Variants in MYH9 observed in about 807,000 individuals in gnomAD.
MYH9 encodes myosin-9.
A neutral mutation model predicts 241.9 loss-of-function variants in MYH9; 29 were observed. That is an observed-to-expected ratio of 0.12 (90% confidence interval 0.09 to 0.16). The LOEUF is 0.16. Among genes scored for constraint, MYH9 ranks in the 10% least tolerant of loss-of-function variants. The probability of loss-of-function intolerance (pLI) is 1.00; values close to 1 mark genes in which losing one functional copy is unlikely to be tolerated. For synonymous variants in MYH9, 1,047 were observed against 1,062.6 expected, an observed-to-expected ratio of 0.99 and a Z score of 0.29; for missense variants, 1,803 against 2,595.5, an observed-to-expected ratio of 0.69 and a Z score of 6.63.
intron 1 of MYH9, among the ~76,000 whole-genome samples, chr22:36,353,931 TG>T: frequency 6.6e-6 from 1 of 152,090 alleles, no homozygotes; most frequent in African/African-American, 2.4e-5. Context: ...GATGAAGTCT[TG>T]CTCTGTCACC....
chr22:36,312,504 G>A (rs1265274007), intron 13 of MYH9, among the ~76,000 whole-genome samples: 1 of 152,196 alleles, frequency 6.6e-6, no homozygotes, highest in Non-Finnish European at 1.5e-5. Flanking sequence ...CCGCTGACCC[G>A]CGGGGCCAGA....
intron 15 of MYH9, among the ~76,000 whole-genome samples, chr22:36,308,075 G>A (rs569668692): frequency 5.9e-5 from 9 of 152,108 alleles, no homozygotes; most frequent in Middle Eastern, 3.4e-3. Flanking sequence ...CACCCCCATG[G>A]AGCAGACCTT....
chr22:36,342,446 G>A (rs1009770628), intron 2 of MYH9, among the ~76,000 whole-genome samples: 3 of 152,138 alleles, frequency 2.0e-5, no homozygotes, highest in Non-Finnish European at 2.9e-5. Flanking sequence ...GCTCTGGGTA[G>A]GCGAGGAGAA....
At chr22:36,347,427 C>T (rs990361936) in intron 2 of MYH9, among the ~76,000 whole-genome samples, 2 of 151,832 alleles carry the variant, frequency 1.3e-5, no homozygotes, top group East Asian at 1.9e-4. Context: ...CCCACACCAA[C>T]AAGCATCCGT....
chr22:36,288,534 G>T lies in MYH9; in HGVS notation c.4771-121C>A. 1 of 1,406,978 alleles carries T rather than the reference G, an allele frequency of 7.1e-7. No individual in the cohort carries two copies. Among genetic ancestry groups the T allele is most frequent in the East Asian group, 2.3e-5 (1 of 43,510 alleles). The allele number at this position is 1,406,978 out of a possible 1,614,324, so 87.2% of individuals were successfully genotyped here. A position where few individuals can be genotyped will look rare whatever the true frequency, so the allele number is the denominator to read the frequency against. ...TCCATGGGGCCTCGGGAAACCAGTGGGGATTACTGACCATAAGAACTCTAA... is the reference window on the plus strand; with the variant it reads ...TCCATGGGGCCTCGGGAAACCAGTGTGGATTACTGACCATAAGAACTCTAA... On this transcript the variant is annotated intron_variant, in intron 33 of 40. Transcript: ENST00000216181. This position sits in a 1 kb window ranked among gnomAD's most constrained non-coding sequence, Gnocchi z 4.8.
chr22:36,302,844 C>T (rs2016903395), intron 19 of MYH9, among the ~76,000 whole-genome samples, 168 bp from the exon 20 acceptor site: 1 of 152,230 alleles, frequency 6.6e-6, no homozygotes, highest in South Asian at 2.1e-4. Context: ...GTTTCTCCCA[C>T]TTACAGGCTG....
Position 36,306,329 on chromosome 22 carries a change from G to T in MYH9, c.2037+85C>A. The T allele has an allele frequency of 6.5e-7, 1 of 1,539,638 alleles. No individual in the cohort carries two copies. The stretch of plus-strand genomic sequence containing the variant: ...CTCTGTGCATGCTGGGGGGCTGGAG[G>T]GGTGCTTTTGCTGGGGAGACAGACA... On this transcript the variant is annotated intron_variant, in intron 16 of 40. Coordinates refer to ENST00000216181, the MANE Select transcript of MYH9 (RefSeq NM_002473.6). The surrounding 1 kb of genome is among the most constrained non-coding windows in gnomAD (Gnocchi z 4.1).
chr22:36,303,944 AGGGCGT>A (rs766780059), intron 19 of MYH9, 45 bp downstream of exon 19: 2 of 1,606,504 alleles, frequency 1.2e-6, no homozygotes, highest in Non-Finnish European at 1.7e-6. Context: ...TGGCAACAGA[AGGGCGT>A]GGCAAGGCCT....
chr22:36,338,129 T>C (rs1181969022), intron 3 of MYH9, among the ~76,000 whole-genome samples: 2 of 151,920 alleles, frequency 1.3e-5, no homozygotes, highest in Non-Finnish European at 2.9e-5. Flanking sequence ...TCCTGAGTAG[T>C]TGGGACTACA....
chr22:36,346,381 C>T (rs2017678492), intron 2 of MYH9, among the ~76,000 whole-genome samples: 1 of 152,196 alleles, frequency 6.6e-6, no homozygotes, highest in African/African-American at 2.4e-5. Flanking sequence ...GGCTTTAGCA[C>T]ATTGCAGGGC....
At chr22:36,333,391 C>T (rs942624566) in intron 3 of MYH9, among the ~76,000 whole-genome samples, 3 of 152,206 alleles carry the variant, frequency 2.0e-5, no homozygotes, top group African/African-American at 7.2e-5. Flanking sequence ...TCAGCTTAGA[C>T]CTGTGCCCTG....
At position 36,282,217 on chromosome 22, in the gene MYH9, A is replaced by C. The variant is rs2016501543; in HGVS notation, c.*451T>G. On this transcript the variant is annotated 3_prime_UTR_variant, in exon 41 of 41. Coordinates refer to ENST00000216181, the MANE Select transcript of MYH9 (RefSeq NM_002473.6). The stretch of plus-strand genomic sequence containing the variant: ...ACGTGTGATTGCAAACAGCAAAGAA[A>C]GGAGGAGGAGTGGGGGCGCTGGTGG... The C allele has an allele frequency of 8.5e-6, 3 of 354,420 alleles. No individual in the cohort carries two copies. The highest frequency in any genetic ancestry group is 1.6e-5 in the Non-Finnish European group (3 of 189,118). 22.0% of individuals were successfully genotyped at this position (354,420 alleles called of 1,614,324 possible).
chr22:36,298,897 C>T, intron 24 of MYH9, 22 bp downstream of exon 24: 1 of 1,612,978 alleles, frequency 6.2e-7, no homozygotes, highest in South Asian at 1.1e-5. Context: ...TGCCCATCAC[C>T]TCCTGCTCGT....
intron 3 of MYH9, among the ~76,000 whole-genome samples, chr22:36,340,309 A>G (rs921331027): frequency 6.6e-6 from 1 of 152,044 alleles, no homozygotes; most frequent in Non-Finnish European, 1.5e-5. Flanking sequence ...TGATTTGATC[A>G]CATTTACATC....
intron 1 of MYH9, among the ~76,000 whole-genome samples, chr22:36,351,174 T>C (rs1324839173): frequency 2.0e-5 from 3 of 152,184 alleles, no homozygotes; most frequent in Non-Finnish European, 4.4e-5. Context: ...AGGGGCGGTT[T>C]TCCAGGAAAA....
chr22:36,325,685 T>C (rs1291711670), intron 5 of MYH9, among the ~76,000 whole-genome samples: 1 of 152,222 alleles, frequency 6.6e-6, no homozygotes, highest in South Asian at 2.1e-4. Flanking sequence ...GGAGTCCCCA[T>C]CCACCGTGCC....
chr22:36,295,824 G>T lies in MYH9; in HGVS notation c.3273-107C>A. ...TGCAGCAGCCAAAGCTGCCTCCTGT[G>T]GTCACAATCATGGCACTTAGGATGG... On this transcript the variant is annotated intron_variant, in intron 25 of 40. Transcript: ENST00000216181. The surrounding 1 kb of genome is among the most constrained non-coding windows in gnomAD (Gnocchi z 4.1). The T allele has an allele frequency of 9.6e-7, 1 of 1,039,938 alleles. No individual in the cohort carries two copies. Among genetic ancestry groups the T allele is most frequent in the Non-Finnish European group, 1.4e-6 (1 of 693,018 alleles). The allele number at this position is 1,039,938 out of a possible 1,614,324, so 64.4% of individuals were successfully genotyped here. A position where few individuals can be genotyped will look rare whatever the true frequency, so the allele number is the denominator to read the frequency against.
intron 1 of MYH9, among the ~76,000 whole-genome samples, chr22:36,358,825 AT>A (rs543115567): frequency 3.9e-4 from 59 of 152,210 alleles, no homozygotes; most frequent in Non-Finnish European, 7.5e-4. Flanking sequence ...ATGACTTCCT[AT>A]TTCATTGATA....
In MYH9 at chr22:36,345,437, A is replaced by C. The variant is rs139019695; in HGVS notation, c.333+3467T>G. 3.2e-3 allele frequency among the ~76,000 whole-genome samples: 480 copies of C among 152,026 alleles called. 2 individuals carry two copies. Among genetic ancestry groups the C allele is most frequent in the African/African-American group, 0.01 (418 of 41,364 alleles). On this transcript the variant is annotated intron_variant, in intron 2 of 40. Transcript: ENST00000216181. ...TTTGAACCAGGTCCTCGAGGCTCCA[A>C]CTATAGCACTTAAGGGCTCTGCTTT...
Sources: gnomAD v4.1 joint callset for allele counts (sites outside exome capture counted in the v4.1 genomes callset) on GRCh38, gnomAD v4.1.1 for gene constraint, Gnocchi (gnomAD v3.1) non-coding constraint, MANE v1.5 for transcripts, NCBI Gene and HGNC (gene_info 2026-07-23, HGNC 2026-07-21) for gene names.